COL5A2: variants seen among roughly 807,000 people sequenced by gnomAD.
COL5A2 encodes the protein collagen alpha-2(V) chain.
A neutral mutation model predicts 208.2 loss-of-function variants in COL5A2; 23 were observed. The ratio of observed to expected loss-of-function variants is 0.11; its 90% CI spans 0.08 to 0.16. COL5A2 has a LOEUF of 0.16. Among genes scored for constraint, COL5A2 ranks in the 10% least tolerant of loss-of-function variants. The pLI, the probability that COL5A2 is intolerant of heterozygous loss-of-function variation, is 1.00. For synonymous variants in COL5A2, 625 were observed against 628.5 expected (o/e 0.99, Z 0.08); for missense variants, 1,590 against 1,956.4 (o/e 0.81, Z 3.53).
intron 1 of COL5A2, among the ~76,000 whole-genome samples, chr2:189,168,164 C>A (rs1054185457): frequency 6.6e-6 from 1 of 150,996 alleles, no homozygotes; most frequent in Non-Finnish European, 1.5e-5. Flanking sequence ...TGGTGTCGAT[C>A]TTCTGACTTC....
chr2:189,397,025 T>C, the COL5A2 span, among the ~76,000 whole-genome samples: 1 of 151,100 alleles, frequency 6.6e-6, no homozygotes, highest in Non-Finnish European at 1.5e-5. Context: ...ATGAGATAAT[T>C]ATATAAACGT....
chr2:189,275,362 A>G, the COL5A2 span, among the ~76,000 whole-genome samples: 1 of 151,782 alleles, frequency 6.6e-6, no homozygotes, highest in East Asian at 1.9e-4. Flanking sequence ...CCATTTGGGC[A>G]TCTTTTTTCA....
chr2:189,335,112 T>C, the COL5A2 span, among the ~76,000 whole-genome samples: 2 of 152,008 alleles, frequency 1.3e-5, no homozygotes, highest in African/African-American at 4.8e-5. Flanking sequence ...GCTAGAATCA[T>C]AAAGCTTCTA....
At chr2:189,102,037 A>G (rs1244834184) in intron 3 of COL5A2, among the ~76,000 whole-genome samples, 1 of 152,122 alleles carries the variant, frequency 6.6e-6, no homozygotes, top group African/African-American at 2.4e-5. Flanking sequence ...TATTTTTCAA[A>G]ATGCTGAAAG....
In COL5A2 at chr2:189,079,126, A is replaced by G. The variant is rs1373677727; in HGVS notation, c.961-19T>C. The G allele has an allele frequency of 2.5e-6, 4 of 1,602,332 alleles. No individual in the cohort carries two copies. Among genetic ancestry groups the G allele is most frequent in the Admixed American group, 1.7e-5 (1 of 59,860 alleles). On this transcript the variant is annotated intron_variant, in intron 14 of 53. Transcript: ENST00000374866. ...CTTCACCCTAAAAAAAAATGAGAAT[A>G]CATTACAGTATGAGAAGCCTACAAC...
chr2:189,045,453 G>A (rs1038894020), intron 46 of COL5A2, among the ~76,000 whole-genome samples: 1 of 151,546 alleles, frequency 6.6e-6, no homozygotes, highest in Non-Finnish European at 1.5e-5. Context: ...ACACTTTTAC[G>A]GTCAATTTTA....
At chr2:189,095,833 T>C (rs7425816) in intron 6 of COL5A2, 20,138 of 151,992 alleles carry the variant, frequency 0.13, 1,351 homozygotes, top group Middle Eastern at 0.19. Flanking sequence ...TCTGTCTTTC[T>C]AGATCTAGGA....
chr2:189,261,827 T>C, the COL5A2 span, among the ~76,000 whole-genome samples: 1 of 152,102 alleles, frequency 6.6e-6, no homozygotes, highest in East Asian at 1.9e-4. Context: ...GGAAGCACAG[T>C]AGTGACTGCT....
In COL5A2 at chr2:189,068,813, TG is replaced by T; in HGVS notation, c.1229del (p.Pro410GlnfsTer13). 6.2e-7 allele frequency: 1 copy of T among 1,612,806 alleles called. No homozygotes were observed. Among genetic ancestry groups the T allele is most frequent in the Non-Finnish European group, 8.5e-7 (1 of 1,179,528 alleles). On this transcript the variant is annotated frameshift_variant, in exon 19 of 54. Coordinates refer to ENST00000374866, the MANE Select transcript of COL5A2 (RefSeq NM_000393.5). LOFTEE classifies it high-confidence loss of function. ...GAAGACCTGGAGAGCCAACTGGACC[TG>T]GGGGCCCAGTTTCACCTCTCTGCCC... Reference protein sequence around the residue: ...PQGQRGETGPPGPVGSPGLPG... With the variant: ...PQGQRGETGPXGPVGSPGLPG...
intron 2 of COL5A2, among the ~76,000 whole-genome samples, chr2:189,105,377 C>G (rs1459038795): frequency 6.6e-6 from 1 of 151,558 alleles, no homozygotes; most frequent in Non-Finnish European, 1.5e-5. Flanking sequence ...AGTATGCTAT[C>G]AAACATTTTA....
At chr2:189,035,202 A>C (rs992096738) in intron 52 of COL5A2, 47 bp from the exon 53 acceptor site, 2 of 1,612,390 alleles carry the variant, frequency 1.2e-6, no homozygotes, top group East Asian at 2.2e-5. Context: ...GAAGGGTTTC[A>C]TAATGCCTTA....
At chr2:189,110,923 A>C (rs928651330) in intron 1 of COL5A2, among the ~76,000 whole-genome samples, 1 of 152,168 alleles carries the variant, frequency 6.6e-6, no homozygotes, top group Non-Finnish European at 1.5e-5. Flanking sequence ...TGTACCATAG[A>C]AAAAAACTTC....
the COL5A2 span, among the ~76,000 whole-genome samples, chr2:189,361,830 A>G: frequency 6.6e-6 from 1 of 152,080 alleles, no homozygotes; most frequent in Non-Finnish European, 1.5e-5. Flanking sequence ...ACATTATAAC[A>G]GGTTATTTTA....
the COL5A2 span, among the ~76,000 whole-genome samples, chr2:189,245,282 A>G: frequency 6.6e-6 from 1 of 152,146 alleles, no homozygotes; most frequent in Non-Finnish European, 1.5e-5. Context: ...ATATAGCAGT[A>G]TTTCAAAAAA....
intron 1 of COL5A2, among the ~76,000 whole-genome samples, chr2:189,149,386 T>C (rs1688101760): frequency 6.6e-6 from 1 of 152,118 alleles, no homozygotes. Context: ...AACCTTAATA[T>C]CTGATTGATA....
chr2:189,398,643 C>T, the COL5A2 span, among the ~76,000 whole-genome samples: 1 of 152,030 alleles, frequency 6.6e-6, no homozygotes, highest in Non-Finnish European at 1.5e-5. Flanking sequence ...TTCATTCGAC[C>T]TTTCACTGTG....
chr2:189,337,059 AT>A, the COL5A2 span, among the ~76,000 whole-genome samples: 1 of 152,028 alleles, frequency 6.6e-6, no homozygotes, highest in Non-Finnish European at 1.5e-5. Context: ...TTGTGTACAT[AT>A]TTTGCTCAAT....
At chr2:189,059,010 A>C in intron 31 of COL5A2, 117 bp from the exon 32 acceptor site, 2 of 732,670 alleles carry the variant, frequency 2.7e-6, no homozygotes, top group Non-Finnish European at 4.8e-6. Context: ...AGGCTGCATA[A>C]GCCAACAATT....
chr2:189,053,798 A>C (rs2105565889), intron 37 of COL5A2, 97 bp downstream of exon 37: 1 of 1,125,724 alleles, frequency 8.9e-7, no homozygotes, highest in African/African-American at 1.6e-5. Flanking sequence ...ATAACCTAAA[A>C]CCAATAAGCA....
Sources: gnomAD v4.1 joint callset for allele counts (sites outside exome capture counted in the v4.1 genomes callset) on GRCh38, gnomAD v4.1.1 for gene constraint, MANE v1.5 for transcripts, NCBI Gene and HGNC (gene_info 2026-07-23, HGNC 2026-07-21) for gene names.